Variants in SLC24A2 observed in about 807,000 individuals in gnomAD.
The protein encoded by SLC24A2 is sodium/potassium/calcium exchanger 2.
SLC24A2 carries 36 observed loss-of-function variants against 62.0 expected under a neutral mutation model. The ratio of observed to expected loss-of-function variants is 0.58; its 90% confidence interval spans 0.44 to 0.77. The LOEUF is 0.77. Ranked by LOEUF, SLC24A2 falls within the 30% of genes least tolerant of loss-of-function variation. SLC24A2 has a pLI of 0.00. For missense variants in SLC24A2, 846 were observed against 817.9 expected, an observed-to-expected ratio of 1.03 and a Z score of -0.42; for synonymous variants, 358 against 294.0, an observed-to-expected ratio of 1.22 and a Z score of -2.23.
At chr9:20,130,230 G>C in the SLC24A2 span, among the ~76,000 whole-genome samples, 1,599 of 151,850 alleles carry the variant, frequency 0.011, 10 homozygotes, top group Non-Finnish European at 0.017. Flanking sequence ...ATACCACAGA[G>C]AATAAGCCAT....
chr9:19,986,341 T>A, the SLC24A2 span, among the ~76,000 whole-genome samples: 3 of 152,058 alleles, frequency 2.0e-5, no homozygotes, highest in Admixed American at 2.0e-4. Context: ...TACAAACCAA[T>A]AATATATTGT....
At chr9:19,546,384 C>A (rs1280664836) in intron 8 of SLC24A2, among the ~76,000 whole-genome samples, 1 of 152,044 alleles carries the variant, frequency 6.6e-6, no homozygotes, top group African/African-American at 2.4e-5. Context: ...GATGCCCTTG[C>A]CAGAGAGGAG....
intron 4 of SLC24A2, among the ~76,000 whole-genome samples, chr9:19,601,707 T>C (rs1487804222): frequency 6.6e-6 from 1 of 152,164 alleles, no homozygotes; most frequent in Non-Finnish European, 1.5e-5. Context: ...AGCATGAGGG[T>C]TGCATATATA....
intron 2 of SLC24A2, among the ~76,000 whole-genome samples, chr9:19,717,910 A>T (rs1820904236): frequency 3.3e-5 from 5 of 151,902 alleles, no homozygotes. Flanking sequence ...AAAATCCTAC[A>T]TGTGTTAAGA....
intron 2 of SLC24A2, among the ~76,000 whole-genome samples, chr9:19,756,702 A>T (rs1389848249): frequency 1.3e-5 from 2 of 151,988 alleles, no homozygotes; most frequent in Non-Finnish European, 2.9e-5. Context: ...TAAAAACCAG[A>T]TTTTGTCTGG....
At chr9:20,106,003 T>C in the SLC24A2 span, among the ~76,000 whole-genome samples, 9 of 152,096 alleles carry the variant, frequency 5.9e-5, no homozygotes, top group Non-Finnish European at 1.0e-4. Context: ...CAATAAAAAA[T>C]GATAAAGGGA....
At chr9:20,228,856 G>A in the SLC24A2 span, among the ~76,000 whole-genome samples, 6 of 152,152 alleles carry the variant, frequency 3.9e-5, no homozygotes, top group Admixed American at 6.5e-5. Context: ...TCACTCTGTA[G>A]AAGGGGCACA....
At chr9:19,564,212 A>G (rs1536584) in intron 7 of SLC24A2, among the ~76,000 whole-genome samples, 111,803 of 151,930 alleles carry the variant, frequency 0.74, 42,760 homozygotes, top group East Asian at 1. Context: ...GTAGGAAGAT[A>G]TTTTTGAGCA....
intron 2 of SLC24A2, among the ~76,000 whole-genome samples, chr9:19,769,823 C>T (rs1018971770): frequency 7.2e-5 from 11 of 152,014 alleles, no homozygotes; most frequent in Admixed American, 2.6e-4. Flanking sequence ...ATGCCTTTTG[C>T]TTAACACGTC....
At chr9:19,734,762 C>G (rs962006487) in intron 2 of SLC24A2, among the ~76,000 whole-genome samples, 1 of 141,022 alleles carries the variant, frequency 7.1e-6, no homozygotes, top group Non-Finnish European at 1.5e-5. Flanking sequence ...AGTTGCCTAT[C>G]AGCTTAAGGA....
Position 19,592,527 on chromosome 9 carries a change from T to C in SLC24A2, c.1129+4702A>G, listed in dbSNP as rs1210326191. On this transcript the variant is annotated intron_variant, in intron 5 of 10. Coordinates refer to ENST00000341998, the MANE Select transcript of SLC24A2 (RefSeq NM_020344.4). Reference sequence around the variant, plus strand: ...CTACCTACCTACCTACCTACCTACCTACCTACCTACCTACCTATCTACCTA... The same window carrying C: ...CTACCTACCTACCTACCTACCTACCCACCTACCTACCTACCTATCTACCTA... Among the ~76,000 whole-genome samples the C allele has an allele frequency of 3.3e-5, 5 of 151,934 alleles. 1 individual carries two copies. Among genetic ancestry groups the C allele is most frequent in the Non-Finnish European group, 5.9e-5 (4 of 67,962 alleles).
intron 4 of SLC24A2, among the ~76,000 whole-genome samples, chr9:19,610,000 G>A (rs150910501): frequency 9.1e-4 from 139 of 152,278 alleles, no homozygotes; most frequent in African/African-American, 3.3e-3. Context: ...CTGCTGTGTG[G>A]CCCAGTTCCT....
the SLC24A2 span, among the ~76,000 whole-genome samples, chr9:19,825,473 G>C: frequency 6.6e-6 from 1 of 152,188 alleles, no homozygotes; most frequent in African/African-American, 2.4e-5. Context: ...AGGCTGTAGT[G>C]TGGTAGGTGT....
At chr9:20,099,191 T>C in the SLC24A2 span, among the ~76,000 whole-genome samples, 1 of 152,192 alleles carries the variant, frequency 6.6e-6, no homozygotes, top group Non-Finnish European at 1.5e-5. Flanking sequence ...TAGTAGGCTT[T>C]TGAAAGAAAT....
At chr9:19,707,192 C>G (rs1480384777) in intron 2 of SLC24A2, among the ~76,000 whole-genome samples, 2 of 151,880 alleles carry the variant, frequency 1.3e-5, no homozygotes, top group Non-Finnish European at 2.9e-5. Context: ...TACACCCTCC[C>G]AAGACTAAAC....
chr9:19,549,186 T>C (rs568972984), intron 8 of SLC24A2, among the ~76,000 whole-genome samples: 1 of 152,318 alleles, frequency 6.6e-6, no homozygotes, highest in East Asian at 1.9e-4. Context: ...ATTAAAGTAA[T>C]GATAGTCACA....
chr9:19,705,869 G>A (rs1175644470), intron 2 of SLC24A2, among the ~76,000 whole-genome samples: 6 of 152,092 alleles, frequency 3.9e-5, no homozygotes, highest in African/African-American at 1.4e-4. Flanking sequence ...GGTCAATTTT[G>A]GAATAGGTGT....
the SLC24A2 span, among the ~76,000 whole-genome samples, chr9:20,068,679 G>C: frequency 6.6e-6 from 1 of 152,106 alleles, no homozygotes; most frequent in East Asian, 1.9e-4. Context: ...GGGGGTGCTG[G>C]ATGATGTCTC....
intron 2 of SLC24A2, among the ~76,000 whole-genome samples, chr9:19,764,813 T>C (rs1822461380): frequency 6.6e-6 from 1 of 152,206 alleles, no homozygotes; most frequent in African/African-American, 2.4e-5. Context: ...GTCTATTAGG[T>C]CCTCTTGGTC....
Sources: gnomAD v4.1 joint callset for allele counts (sites outside exome capture counted in the v4.1 genomes callset) on GRCh38, gnomAD v4.1.1 for gene constraint, MANE v1.5 for transcripts, NCBI Gene and HGNC (gene_info 2026-07-23, HGNC 2026-07-21) for gene names.